The following PDGFD variants were observed in gnomAD, a reference collection of about 807,000 sequenced individuals.
PDGFD encodes platelet derived growth factor D.
A neutral mutation model predicts 44.7 loss-of-function variants in PDGFD; 30 were observed. The ratio of observed to expected loss-of-function variants is 0.67; its 90% CI spans 0.50 to 0.91. The LOEUF (loss-of-function observed/expected upper bound fraction) is 0.91, where lower values mean the gene tolerates loss of function less well. Among genes scored for constraint, PDGFD ranks in the 40% least tolerant of loss-of-function variants. The pLI is 0.00. For missense variants in PDGFD, 445 were observed against 457.8 expected, an observed-to-expected ratio of 0.97 and a Z score of 0.25; for synonymous variants, 173 against 168.4, an observed-to-expected ratio of 1.03 and a Z score of -0.21.
Position 104,120,269 on chromosome 11 carries a change from T to A in PDGFD, c.124+43535A>T, listed in dbSNP as rs144740085. 4.1e-4 allele frequency among the ~76,000 whole-genome samples: 63 copies of A among 151,932 alleles called. No individual in the cohort carries two copies. The East Asian group carries it at 0.01, about 25-fold the overall frequency. Reference sequence around the variant, plus strand: ...GCTAAATTGTTGCAATTGGCATCTATCTGGTTTCCAATTATCCTTTCAGTC... The same window carrying A: ...GCTAAATTGTTGCAATTGGCATCTAACTGGTTTCCAATTATCCTTTCAGTC... On this transcript the variant is annotated intron_variant, in intron 1 of 6. Transcript: ENST00000393158.
intron 4 of PDGFD, among the ~76,000 whole-genome samples, chr11:103,944,359 G>A (rs373475635): frequency 2.0e-5 from 3 of 152,070 alleles, no homozygotes; most frequent in East Asian, 3.9e-4. Flanking sequence ...TGAAAGCCTG[G>A]AAAGGATTAT....
intron 1 of PDGFD, chr11:104,037,844 C>G (rs1338369344): frequency 6.2e-7 from 1 of 1,614,026 alleles, no homozygotes; most frequent in East Asian, 2.2e-5. Context: ...CATCAATGTT[C>G]CATCGATTTG....
intron 1 of PDGFD, among the ~76,000 whole-genome samples, chr11:104,074,640 AG>A (rs1860928230): frequency 1.3e-5 from 2 of 152,342 alleles, no homozygotes; most frequent in South Asian, 4.1e-4. Context: ...TATTCATAGC[AG>A]CCAATATGAA....
chr11:104,157,300 T>C (rs147873404), intron 1 of PDGFD, among the ~76,000 whole-genome samples: 1 of 152,184 alleles, frequency 6.6e-6, no homozygotes. Context: ...TGTATTCATG[T>C]GCCACAGGCA....
At chr11:103,999,542 C>A (rs911079247) in intron 2 of PDGFD, among the ~76,000 whole-genome samples, 18 of 152,120 alleles carry the variant, frequency 1.2e-4, no homozygotes, top group Non-Finnish European at 2.2e-4. Flanking sequence ...TCCTTCCCAC[C>A]CGTATCTGAG....
intron 1 of PDGFD, among the ~76,000 whole-genome samples, chr11:104,125,798 CG>C (rs1204388579): frequency 6.6e-6 from 1 of 152,120 alleles, no homozygotes; most frequent in Non-Finnish European, 1.5e-5. Context: ...AGCAAATGCA[CG>C]GCATGACCAC....
chr11:104,104,690 T>C (rs554809637), intron 1 of PDGFD, among the ~76,000 whole-genome samples: 109 of 152,236 alleles, frequency 7.2e-4, no homozygotes, highest in Non-Finnish European at 1.4e-3. Flanking sequence ...GTTCACACAA[T>C]GACGAAACCA....
chr11:104,117,033 A>G (rs1861652223), intron 1 of PDGFD, among the ~76,000 whole-genome samples: 1 of 151,960 alleles, frequency 6.6e-6, no homozygotes, highest in African/African-American at 2.4e-5. Context: ...ATAATCCATG[A>G]GGATCAAGTA....
At chr11:104,084,980 G>T in intron 1 of PDGFD, among the ~76,000 whole-genome samples, 1 of 148,512 alleles carries the variant, frequency 6.7e-6, no homozygotes. Flanking sequence ...TATATATAGT[G>T]TGCCCTTACC....
At chr11:104,057,769 C>CT (rs1416280433) in intron 1 of PDGFD, among the ~76,000 whole-genome samples, 1 of 152,106 alleles carries the variant, frequency 6.6e-6, no homozygotes, top group Non-Finnish European at 1.5e-5. Flanking sequence ...GATTTCAAGA[C>CT]TTATTACAAA....
intron 5 of PDGFD, among the ~76,000 whole-genome samples, chr11:103,936,624 T>G (rs1275557414): frequency 6.6e-6 from 1 of 152,160 alleles, no homozygotes; most frequent in Non-Finnish European, 1.5e-5. Context: ...GTTTTAGATT[T>G]TAGAGGAAAA....
intron 1 of PDGFD, among the ~76,000 whole-genome samples, chr11:104,035,674 C>T (rs890308644): frequency 6.9e-6 from 1 of 144,342 alleles, no homozygotes; most frequent in Non-Finnish European, 1.5e-5. Flanking sequence ...TAATTTTTTT[C>T]CAGCTTCATA....
intron 1 of PDGFD, among the ~76,000 whole-genome samples, chr11:104,121,003 C>T (rs1428947346): frequency 6.6e-6 from 1 of 151,944 alleles, no homozygotes; most frequent in Non-Finnish European, 1.5e-5. Flanking sequence ...CCTCCCATGG[C>T]AGGACATTTA....
At chr11:104,125,521 T>C (rs989493999) in intron 1 of PDGFD, among the ~76,000 whole-genome samples, 2 of 152,084 alleles carry the variant, frequency 1.3e-5, no homozygotes, top group Non-Finnish European at 2.9e-5. Context: ...TTTTAAACGG[T>C]TCATATGAAA....
chr11:104,022,674 C>A (rs1047054531), intron 1 of PDGFD, among the ~76,000 whole-genome samples: 10 of 151,738 alleles, frequency 6.6e-5, no homozygotes, highest in African/African-American at 2.4e-4. Context: ...TATATTTGAA[C>A]CTTAACAAAT....
At chr11:104,036,803 G>C in intron 1 of PDGFD, 2 of 1,602,630 alleles carry the variant, frequency 1.2e-6, no homozygotes, top group Non-Finnish European at 1.7e-6. Context: ...CTGCTAGCCC[G>C]GCCCGCCCGG....
intron 1 of PDGFD, among the ~76,000 whole-genome samples, chr11:104,148,444 C>T (rs1862194997): frequency 6.6e-6 from 1 of 151,776 alleles, no homozygotes; most frequent in Admixed American, 6.6e-5. Flanking sequence ...TGTGACTACT[C>T]TGAAATAGGA....
At chr11:103,935,848 G>T (rs1858480533) in intron 5 of PDGFD, among the ~76,000 whole-genome samples, 1 of 152,176 alleles carries the variant, frequency 6.6e-6, no homozygotes, top group African/African-American at 2.4e-5. Context: ...TTTACAAAGA[G>T]AAGAAAATAG....
intron 1 of PDGFD, among the ~76,000 whole-genome samples, chr11:104,072,466 T>C (rs1236449770): frequency 6.6e-6 from 1 of 151,824 alleles, no homozygotes; most frequent in African/African-American, 2.4e-5. Context: ...ATTATTTGAG[T>C]TAGTTTTATC....
Sources: gnomAD v4.1 joint callset for allele counts (sites outside exome capture counted in the v4.1 genomes callset) on GRCh38, gnomAD v4.1.1 for gene constraint, MANE v1.5 for transcripts, NCBI Gene and HGNC (gene_info 2026-07-23, HGNC 2026-07-21) for gene names.